NEDD9: variants seen among roughly 807,000 people sequenced by gnomAD.
The protein encoded by NEDD9 is enhancer of filamentation 1.
In NEDD9, 26 loss-of-function variants were observed where a neutral mutation model predicts 76.6. The observed-to-expected ratio is 0.34, with a 90% CI of 0.25 to 0.47. The LOEUF (loss-of-function observed/expected upper bound fraction) is 0.47. Ranked by LOEUF, NEDD9 falls within the 20% of genes least tolerant of loss-of-function variation. The probability of loss-of-function intolerance (pLI) is 1.00; values close to 1 mark genes in which losing one functional copy is unlikely to be tolerated. For missense variants in NEDD9, 937 were observed against 1,058.5 expected, an observed-to-expected ratio of 0.89 and a Z score of 1.59; for synonymous variants, 392 against 414.2, an observed-to-expected ratio of 0.95 and a Z score of 0.65.
chr6:11,333,179 C>T lies in NEDD9; in HGVS notation c.-153+1322G>A, dbSNP rs532062474. On this transcript the variant is annotated intron_variant, in intron 2 of 3. Transcript: ENST00000397378. ...TTTTCCGAGGCTTTGTCTATCAGCA[C>T]AAAGAAGAAAGTGAAATATATTGGG... Among the ~76,000 whole-genome samples, 3 of 152,064 alleles carry T rather than the reference C, an allele frequency of 2.0e-5. No individual in the cohort carries two copies. The East Asian group carries it at 5.8e-4, about 29-fold the overall frequency.
chr6:11,359,120 G>C (rs1762633375), intron 1 of NEDD9, among the ~76,000 whole-genome samples: 1 of 152,232 alleles, frequency 6.6e-6, no homozygotes, highest in Admixed American at 6.5e-5. Context: ...TCTCCAGGTG[G>C]AGTAGCAAGC....
chr6:11,195,800 G>C (rs1309607695), intron 2 of NEDD9, among the ~76,000 whole-genome samples: 1 of 152,160 alleles, frequency 6.6e-6, no homozygotes, highest in Non-Finnish European at 1.5e-5. Flanking sequence ...TTGGAGACCA[G>C]CCTGGCCAAC....
At chr6:11,298,644 G>A (rs138381260) in intron 3 of NEDD9, among the ~76,000 whole-genome samples, 3 of 152,292 alleles carry the variant, frequency 2.0e-5, no homozygotes, top group African/African-American at 7.2e-5. Flanking sequence ...TGAGAAGAGA[G>A]ACATTTTTTG....
chr6:11,305,901 A>G (rs2113420364), intron 3 of NEDD9: 4 of 1,456,782 alleles, frequency 2.7e-6, no homozygotes, highest in Non-Finnish European at 3.9e-6. Context: ...ACAAAAAAAC[A>G]TGATTTGTAT....
At chr6:11,281,050 C>T (rs1369490512) in intron 3 of NEDD9, among the ~76,000 whole-genome samples, 1 of 152,204 alleles carries the variant, frequency 6.6e-6, no homozygotes, top group African/African-American at 2.4e-5. Flanking sequence ...AAAAGGAAAA[C>T]CTTGTCCTCT....
chr6:11,281,675 G>C (rs1760540577), intron 3 of NEDD9, among the ~76,000 whole-genome samples: 3 of 152,180 alleles, frequency 2.0e-5, no homozygotes, highest in Non-Finnish European at 2.9e-5. Flanking sequence ...AGAGCCCAAA[G>C]ATGAAGAAAT....
rs1490190795 is a variant in NEDD9, at chr6:11,252,866, C to T, written c.13-39139G>A. On this transcript the variant is annotated intron_variant, in intron 3 of 3. Coordinates refer to the NEDD9 transcript ENST00000397378. The surrounding 1 kb of genome is among the most constrained non-coding windows in gnomAD (Gnocchi z 4.3). ...AAAATAAATAAATAAAAATTAGACACAGAAATGGAAGTGATAGGAATGTAT... is the reference window on the plus strand; with the variant it reads ...AAAATAAATAAATAAAAATTAGACATAGAAATGGAAGTGATAGGAATGTAT... 6.6e-6 allele frequency among the ~76,000 whole-genome samples: 1 copy of T among 152,034 alleles called. No homozygotes were observed. The highest frequency in any genetic ancestry group is 1.5e-5 in the Non-Finnish European group (1 of 68,006).
At chr6:11,233,313 G>A, upstream of NEDD9, 2 of 519,030 alleles carry the variant, frequency 3.9e-6, no homozygotes, top group Non-Finnish European at 7.7e-6. Context: ...TCTAGCACAC[G>A]CACCAGCGTT....
At chr6:11,250,548 CAG>C (rs1024939215) in intron 3 of NEDD9, among the ~76,000 whole-genome samples, 1 of 152,148 alleles carries the variant, frequency 6.6e-6, no homozygotes, top group African/African-American at 2.4e-5. Context: ...GTCCTACGAC[CAG>C]AGAGTTCTCT....
chr6:11,300,352 A>T (rs904672764), intron 3 of NEDD9, among the ~76,000 whole-genome samples: 1 of 152,362 alleles, frequency 6.6e-6, no homozygotes, highest in East Asian at 1.9e-4. Flanking sequence ...TCCAGGAAAT[A>T]TAAGACTATA....
chr6:11,380,940 C>T (rs1763051089), intron 1 of NEDD9, among the ~76,000 whole-genome samples: 1 of 152,178 alleles, frequency 6.6e-6, no homozygotes. Context: ...TCCTGCATAG[C>T]CGGGACTATA....
At chr6:11,287,937 C>T (rs566983994) in intron 3 of NEDD9, among the ~76,000 whole-genome samples, 2 of 152,320 alleles carry the variant, frequency 1.3e-5, no homozygotes, top group Non-Finnish European at 2.9e-5. Flanking sequence ...ATTACTCTGT[C>T]AACAGCATTG....
intron 1 of NEDD9, among the ~76,000 whole-genome samples, chr6:11,220,392 T>C (rs981869764): frequency 2.0e-5 from 3 of 152,214 alleles, no homozygotes; most frequent in African/African-American, 7.2e-5. Context: ...TTGTGAACTT[T>C]AGCTATAGCA....
At chr6:11,305,821 A>G in intron 3 of NEDD9, 1 of 744,070 alleles carries the variant, frequency 1.3e-6, no homozygotes, top group South Asian at 1.7e-5. Flanking sequence ...TAAAAAATTC[A>G]CCTAACAGCA....
chr6:11,364,696 A>C (rs1319152351), intron 1 of NEDD9, among the ~76,000 whole-genome samples: 1 of 101,560 alleles, frequency 9.8e-6, no homozygotes, highest in African/African-American at 3.7e-5. Flanking sequence ...TCAATAAAAC[A>C]TAGTTACTCT....
rs76052818 is a variant in NEDD9 at position 11,237,742 on chromosome 6, G to A, written c.13-24015C>T. On this transcript the variant is annotated intron_variant, in intron 3 of 3. Transcript: ENST00000397378. The surrounding 1 kb of genome is among the most constrained non-coding windows in gnomAD (Gnocchi z 4.9). ...TGGCAAAGCCCCCAAAGCCGAAGAA[G>A]AAAAAGTATTATTTGGTTGTCTCTA... Among the ~76,000 whole-genome samples the A allele has an allele frequency of 0.021, 3,166 of 152,284 alleles. 52 individuals are homozygous for A. The highest frequency in any genetic ancestry group is 0.098 in the East Asian group (507 of 5,182).
rs1245720228 is a variant in NEDD9, at chr6:11,237,981, T to C, written c.13-24254A>G. Among the ~76,000 whole-genome samples, 1 of 152,192 alleles carries C rather than the reference T, an allele frequency of 6.6e-6. No individual in the cohort carries two copies. The highest frequency in any genetic ancestry group is 1.9e-4 in the East Asian group (1 of 5,194). ...TTAGTTTTTAAAAACAATCTACATA[T>C]ACCAAGCTTATTTCAAAAATAATTG... is the stretch of plus-strand genomic sequence containing the variant. On this transcript the variant is annotated intron_variant, in intron 3 of 3. Coordinates refer to the NEDD9 transcript ENST00000397378. The surrounding 1 kb of genome is among the most constrained non-coding windows in gnomAD (Gnocchi z 4.9).
chr6:11,363,430 C>T (rs190443203), intron 1 of NEDD9, among the ~76,000 whole-genome samples: 7 of 151,994 alleles, frequency 4.6e-5, no homozygotes, highest in East Asian at 3.9e-4. Context: ...TTTGTGGATA[C>T]GTATCCTGAA....
intron 1 of NEDD9, among the ~76,000 whole-genome samples, chr6:11,343,475 C>G (rs1044080346): frequency 3.9e-5 from 6 of 151,984 alleles, no homozygotes; most frequent in African/African-American, 1.5e-4. Context: ...CCTGAGTACC[C>G]TATTTAAAAC....
Sources: gnomAD v4.1 joint callset for allele counts (sites outside exome capture counted in the v4.1 genomes callset) on GRCh38, gnomAD v4.1.1 for gene constraint, Gnocchi (gnomAD v3.1) non-coding constraint, MANE v1.5 for transcripts, NCBI Gene and HGNC (gene_info 2026-07-23, HGNC 2026-07-21) for gene names.